PTPRD: variants seen among roughly 807,000 people sequenced by gnomAD.
PTPRD encodes the protein receptor-type tyrosine-protein phosphatase delta.
Under a neutral mutation model 214.5 loss-of-function variants are expected in PTPRD, and 34 were observed. The ratio of observed to expected loss-of-function variants is 0.16; its 90% CI spans 0.12 to 0.21. The LOEUF is 0.21. Ranked by LOEUF, PTPRD falls within the 10% of genes least tolerant of loss-of-function variation. PTPRD has a pLI of 1.00. For synonymous variants in PTPRD, 1,128 were observed against 845.7 expected (o/e 1.33, Z -5.79); for missense variants, 2,545 against 2,398.7 (o/e 1.06, Z -1.27).
chr9:8,332,841 T>C (rs1465304635), intron 43 of PTPRD, among the ~76,000 whole-genome samples: 1 of 152,226 alleles, frequency 6.6e-6, no homozygotes, highest in African/African-American at 2.4e-5. Flanking sequence ...GTCCTACTCC[T>C]AAATGGTCTC....
intron 11 of PTPRD, among the ~76,000 whole-genome samples, chr9:8,830,082 C>T (rs1601198168): frequency 6.6e-6 from 1 of 152,162 alleles, no homozygotes; most frequent in East Asian, 1.9e-4. Flanking sequence ...TTCTAGTCTC[C>T]TTACATTTAT....
chr9:10,015,127 G>T (rs1358085386), intron 4 of PTPRD, among the ~76,000 whole-genome samples: 1 of 152,056 alleles, frequency 6.6e-6, no homozygotes, highest in Non-Finnish European at 1.5e-5. Context: ...TACTTTTATG[G>T]CTTTCAGTTT....
At chr9:8,663,040 C>G (rs1056724836) in intron 12 of PTPRD, among the ~76,000 whole-genome samples, 16 of 152,064 alleles carry the variant, frequency 1.1e-4, no homozygotes, top group African/African-American at 3.6e-4. Flanking sequence ...AATAATTAGT[C>G]TGTTAGCAAT....
chr9:9,792,935 T>C (rs1411246064), intron 5 of PTPRD, among the ~76,000 whole-genome samples: 1 of 152,094 alleles, frequency 6.6e-6, no homozygotes, highest in Non-Finnish European at 1.5e-5. Context: ...TTTTTAAGCT[T>C]AATAGACTTG....
chr9:9,846,718 A>G (rs1183151060), intron 5 of PTPRD, among the ~76,000 whole-genome samples: 1 of 152,148 alleles, frequency 6.6e-6, no homozygotes, highest in Admixed American at 6.6e-5. Flanking sequence ...CAACTAAACC[A>G]AATGAAAGAA....
intron 9 of PTPRD, among the ~76,000 whole-genome samples, chr9:9,275,169 TA>T (rs1456940996): frequency 2.6e-5 from 1 of 37,882 alleles, no homozygotes; most frequent in Non-Finnish European, 4.4e-5. Context: ...ATATAACATA[TA>T]TATAATATAT....
chr9:8,725,624 T>C (rs1291902732), intron 12 of PTPRD, among the ~76,000 whole-genome samples: 5 of 152,164 alleles, frequency 3.3e-5, no homozygotes, highest in Admixed American at 6.5e-5. Flanking sequence ...AAAGGCATAA[T>C]AGCAACTAAC....
chr9:10,516,440 C>G (rs1397390826), intron 2 of PTPRD, among the ~76,000 whole-genome samples: 1 of 151,764 alleles, frequency 6.6e-6, no homozygotes, highest in Non-Finnish European at 1.5e-5. Context: ...TGGAAATGAG[C>G]TGTAGGAGTT....
intron 7 of PTPRD, among the ~76,000 whole-genome samples, chr9:9,579,792 T>C (rs139117930): frequency 1.5e-4 from 23 of 152,272 alleles, no homozygotes; most frequent in African/African-American, 5.5e-4. Context: ...TTTTAGTATG[T>C]CCTTTACCAG....
chr9:9,579,285 A>T (rs575478709), intron 7 of PTPRD, among the ~76,000 whole-genome samples: 1 of 152,214 alleles, frequency 6.6e-6, no homozygotes, highest in South Asian at 2.1e-4. Flanking sequence ...AAAGTCTTTA[A>T]GTTCATCTCA....
intron 11 of PTPRD, among the ~76,000 whole-genome samples, chr9:8,895,522 G>C (rs919817920): frequency 1.3e-5 from 2 of 152,022 alleles, no homozygotes; most frequent in African/African-American, 2.4e-5. Context: ...GATTTTTCAG[G>C]GAAGTCCAAC....
At chr9:9,900,642 T>A (rs572732872) in intron 5 of PTPRD, among the ~76,000 whole-genome samples, 2 of 116,960 alleles carry the variant, frequency 1.7e-5, no homozygotes, top group African/African-American at 9.5e-5. Context: ...CATTTTCAGG[T>A]TTTTTTTTTT....
intron 10 of PTPRD, among the ~76,000 whole-genome samples, chr9:9,061,966 G>A (rs915039308): frequency 6.6e-6 from 1 of 151,776 alleles, no homozygotes; most frequent in African/African-American, 2.4e-5. Flanking sequence ...ACCGACTGTG[G>A]GAGTAGAAAT....
At chr9:8,540,111 G>A (rs781307954) in intron 14 of PTPRD, among the ~76,000 whole-genome samples, 22 of 152,030 alleles carry the variant, frequency 1.4e-4, no homozygotes, top group Non-Finnish European at 2.5e-4. Flanking sequence ...TCTTTGTACT[G>A]TAGTTTCTAC....
intron 3 of PTPRD, among the ~76,000 whole-genome samples, chr9:10,223,262 C>A (rs2099577331): frequency 2.0e-5 from 3 of 151,778 alleles, no homozygotes; most frequent in Non-Finnish European, 2.9e-5. Flanking sequence ...TCTTCTGTAC[C>A]TTTTACCCTA....
At chr9:9,869,065 C>T in intron 5 of PTPRD, among the ~76,000 whole-genome samples, 1 of 152,168 alleles carries the variant, frequency 6.6e-6, no homozygotes, top group East Asian at 1.9e-4. Flanking sequence ...GCAACCAATA[C>T]ATCAACTACT....
At chr9:10,342,508 C>T (rs967660294) in intron 2 of PTPRD, among the ~76,000 whole-genome samples, 4 of 151,980 alleles carry the variant, frequency 2.6e-5, no homozygotes, top group Admixed American at 6.6e-5. Context: ...ATTTATATAA[C>T]AACTAATTAT....
intron 11 of PTPRD, among the ~76,000 whole-genome samples, chr9:8,952,376 A>C (rs1392372668): frequency 1.3e-5 from 2 of 152,012 alleles, no homozygotes; most frequent in Non-Finnish European, 2.9e-5. Flanking sequence ...CTATTCTATA[A>C]AGGAATGCAC....
chr9:8,708,656 G>A (rs1037127324), intron 12 of PTPRD, among the ~76,000 whole-genome samples: 15 of 129,370 alleles, frequency 1.2e-4, no homozygotes, highest in African/African-American at 3.8e-4. Context: ...TCCAGCCTGG[G>A]TGACAAGAGC....
Sources: allele counts gnomAD v4.1 joint callset (sites outside exome capture counted in the v4.1 genomes callset), GRCh38; gene constraint gnomAD v4.1.1; transcripts MANE v1.5; gene names NCBI Gene and HGNC (gene_info 2026-07-23, HGNC 2026-07-21).